The following MICAL3 variants were observed in gnomAD, a reference collection of about 807,000 sequenced individuals.
MICAL3 encodes [F-actin]-monooxygenase MICAL3.
MICAL3 carries 62 observed loss-of-function variants against 207.4 expected under a neutral mutation model. The observed-to-expected ratio is 0.30, with a 90% confidence interval of 0.24 to 0.37. The LOEUF is 0.37. Among genes scored for constraint, MICAL3 ranks in the 10% least tolerant of loss-of-function variants. MICAL3 has a pLI of 1.00. For synonymous variants in MICAL3, 1,077 were observed against 1,069.3 expected, an observed-to-expected ratio of 1.01 and a Z score of -0.14; for missense variants, 2,368 against 2,635.6, an observed-to-expected ratio of 0.90 and a Z score of 2.22.
Position 17,891,804 on chromosome 22 carries a change from G to C in MICAL3, c.1547-172C>G, listed in dbSNP as rs367811138. On this transcript the variant is annotated intron_variant, in intron 11 of 31. Coordinates refer to ENST00000441493, the MANE Select transcript of MICAL3 (RefSeq NM_015241.3). ...AGTGAGGAACAAGGTTATGCAAATG[G>C]TATCATGACAGCGAATTCTAAGAAA... Among the ~76,000 whole-genome samples, 20 of 152,296 alleles carry C rather than the reference G, an allele frequency of 1.3e-4. No homozygotes were observed. The East Asian group carries it at 1.9e-3, about 15-fold the overall frequency.
At chr22:17,854,418 A>G (rs1050273657) in intron 19 of MICAL3, among the ~76,000 whole-genome samples, 2 of 152,166 alleles carry the variant, frequency 1.3e-5, no homozygotes, top group South Asian at 4.1e-4. Context: ...CCAACTCTCC[A>G]CAAGGTCTGA....
At chr22:17,922,320 G>A (rs796111357) in intron 1 of MICAL3, among the ~76,000 whole-genome samples, 20 of 152,268 alleles carry the variant, frequency 1.3e-4, no homozygotes, top group African/African-American at 4.3e-4. Flanking sequence ...CAGAAGTCTC[G>A]CCTGGGCCAT....
Position 17,922,249 on chromosome 22 carries a change from C to T in MICAL3, c.-74-15363G>A, listed in dbSNP as rs148092614. ...GGGTCTGGCTAGGTAGAGGAATTCA[C>T]GTTCATGTTTGCACGTAGTACAGAT... is the stretch of plus-strand genomic sequence containing the variant. On this transcript the variant is annotated intron_variant, in intron 1 of 31. Transcript: ENST00000441493. 7.9e-5 allele frequency among the ~76,000 whole-genome samples: 12 copies of T among 152,232 alleles called. No homozygotes were observed. The East Asian group carries it at 1.9e-3, about 24-fold the overall frequency.
intron 29 of MICAL3, among the ~76,000 whole-genome samples, chr22:17,799,925 G>A (rs1012900633): frequency 7.2e-5 from 10 of 138,502 alleles, no homozygotes; most frequent in Admixed American, 2.1e-4. Context: ...ACACACACAC[G>A]CGCGCTGGGA....
chr22:17,906,467 T>G, intron 2 of MICAL3, 82 bp downstream of exon 2: 1 of 1,608,848 alleles, frequency 6.2e-7, no homozygotes, highest in Non-Finnish European at 8.5e-7. Flanking sequence ...TCATATATGG[T>G]GAATGGCCAG....
chr22:17,797,290 CA>C (rs1358584094), intron 29 of MICAL3, among the ~76,000 whole-genome samples: 1 of 152,108 alleles, frequency 6.6e-6, no homozygotes, highest in Non-Finnish European at 1.5e-5. Flanking sequence ...CTGCTGAACC[CA>C]GGAGTTCGAG....
chr22:17,841,719 G>C lies in MICAL3; in HGVS notation c.2801+103C>G. On this transcript the variant is annotated intron_variant, in intron 20 of 31. Coordinates refer to ENST00000441493, the MANE Select transcript of MICAL3 (RefSeq NM_015241.3). This position sits in a 1 kb window ranked among gnomAD's most constrained non-coding sequence, Gnocchi z 4.2. Reference sequence around the variant, plus strand: ...AGAATGGACTGCGGGCAGCAGGAAAGACAGGAGGCCTCCCTTCACTGAGAA... The same window carrying C: ...AGAATGGACTGCGGGCAGCAGGAAACACAGGAGGCCTCCCTTCACTGAGAA... 1.6e-6 allele frequency: 2 copies of C among 1,228,030 alleles called. No individual in the cohort carries two copies. Among genetic ancestry groups the C allele is most frequent in the African/African-American group, 1.5e-5 (1 of 66,948 alleles). 76.1% of individuals were successfully genotyped at this position (1,228,030 alleles called of 1,614,324 possible).
At chr22:17,907,176 T>A (rs565504685) in intron 1 of MICAL3, among the ~76,000 whole-genome samples, 1 of 151,656 alleles carries the variant, frequency 6.6e-6, no homozygotes, top group East Asian at 2.0e-4. Context: ...CAAGGCCATC[T>A]CGGAAACAGA....
intron 1 of MICAL3, among the ~76,000 whole-genome samples, chr22:17,929,823 C>T (rs1933152966): frequency 6.6e-6 from 1 of 152,196 alleles, no homozygotes; most frequent in South Asian, 2.1e-4. Flanking sequence ...CCGCCTTGGC[C>T]TCCCAAAGTG....
chr22:17,789,918 G>T lies in MICAL3; in HGVS notation c.*814C>A, dbSNP rs2061811730. 1 of 152,224 alleles carries T rather than the reference G, an allele frequency of 6.6e-6. No homozygotes were observed. Among genetic ancestry groups the T allele is most frequent in the African/African-American group, 2.4e-5 (1 of 41,444 alleles). The allele number at this position is 152,224 out of a possible 1,614,324, so 9.4% of individuals were successfully genotyped here. Reference sequence around the variant, plus strand: ...AACACAGGAAAAACACGGAGGAAAAGGTCATCTCCTGTCCCGACATAAATG... The same window carrying T: ...AACACAGGAAAAACACGGAGGAAAATGTCATCTCCTGTCCCGACATAAATG... On this transcript the variant is annotated 3_prime_UTR_variant, in exon 32 of 32. Coordinates refer to ENST00000441493, the MANE Select transcript of MICAL3 (RefSeq NM_015241.3).
rs756513742 is a variant in MICAL3 at position 17,819,026 on chromosome 22, G to A, written c.3635C>T (p.Ala1212Val). ...LLPKEKPKAD[A>V]PSDLKAVHSP... ...GTGCACAGCTTTCAGATCCGAGGGGGCATCAGCTTTGGGCTTCTCTTTGGG... is the reference window on the plus strand; with the variant it reads ...GTGCACAGCTTTCAGATCCGAGGGGACATCAGCTTTGGGCTTCTCTTTGGG... Residue 1212 changes from alanine to valine, a missense_variant, in exon 26 of 32, where the codon GCC becomes GTC. By Grantham distance (64) the Ala-to-Val change is moderately conservative. This residue lies in a region of MICAL3 where 1,770 missense variants were observed against 1,863.2 expected (regional missense o/e 0.95). Coordinates refer to ENST00000441493, the MANE Select transcript of MICAL3 (RefSeq NM_015241.3). 1.8e-5 allele frequency: 29 copies of A among 1,605,844 alleles called. 1 individual carries two copies. The Admixed American group carries it at 2.4e-4, about 13-fold the overall frequency.
At chr22:17,976,323 C>G (rs868263201) in intron 1 of MICAL3, among the ~76,000 whole-genome samples, 1 of 151,814 alleles carries the variant, frequency 6.6e-6, no homozygotes, top group South Asian at 2.1e-4. Flanking sequence ...TTAGATAACA[C>G]GAGGGAGTTA....
rs538457557 is a variant in MICAL3, at chr22:17,817,355, G to A, written c.5306C>T (p.Thr1769Met). The change falls in exon 26 of 32, where the codon ACG (threonine) becomes ATG (methionine). Residue 1769 changes from threonine to methionine, a missense_variant. By Grantham distance (81) the Thr-to-Met change is moderately conservative. This residue lies in a region of MICAL3 where 1,770 missense variants were observed against 1,863.2 expected (regional missense o/e 0.95). Transcript: ENST00000441493. The part of the protein sequence containing the change: ...SCPSTPSSGA[T>M]VDSGKHRVLP... ...CACCCTGTGCTTTCCAGAGTCCACCGTGGCCCCGCTGGAGGGGGTGCTGGG... is the reference window on the plus strand; with the variant it reads ...CACCCTGTGCTTTCCAGAGTCCACCATGGCCCCGCTGGAGGGGGTGCTGGG... 35 of 1,610,246 alleles carry A rather than the reference G, an allele frequency of 2.2e-5. No individual in the cohort carries two copies. The highest frequency in any genetic ancestry group is 4.5e-5 in the East Asian group (2 of 44,782).
intron 29 of MICAL3, among the ~76,000 whole-genome samples, chr22:17,806,822 A>G (rs1009063316): frequency 6.6e-5 from 10 of 152,226 alleles, no homozygotes; most frequent in South Asian, 2.1e-4. Flanking sequence ...AGGAAATGTG[A>G]TTATCTAATG....
At chr22:17,901,115 G>A in intron 5 of MICAL3, 118 bp from the exon 6 acceptor site, 2 of 914,696 alleles carry the variant, frequency 2.2e-6, no homozygotes, top group South Asian at 3.0e-5. Context: ...GAACTGATGG[G>A]AAAGTTAGGG....
At position 17,945,680 on chromosome 22, in the gene MICAL3, G is replaced by A. The variant is rs565310872; in HGVS notation, c.-74-38794C>T. Among the ~76,000 whole-genome samples, 112 of 152,088 alleles carry A rather than the reference G, an allele frequency of 7.4e-4. 1 individual carries two copies. The highest frequency in any genetic ancestry group is 2.6e-3 in the African/African-American group (109 of 41,492). ...GCCCCTCTCCACACAGCCCCCATAC[G>A]CCCCAATTCCACCAGGCACCTCCCT... is the stretch of plus-strand genomic sequence containing the variant. On this transcript the variant is annotated intron_variant, in intron 1 of 31. Coordinates refer to ENST00000441493, the MANE Select transcript of MICAL3 (RefSeq NM_015241.3).
intron 1 of MICAL3, among the ~76,000 whole-genome samples, chr22:18,003,025 T>C (rs755993633): frequency 1.3e-5 from 2 of 151,852 alleles, no homozygotes; most frequent in Non-Finnish European, 1.5e-5. Context: ...CTGGGCGTGG[T>C]GGTGGGCGCC....
rs1931381459 is a variant in MICAL3, at chr22:17,902,173, C to T, written c.590-194G>A. On this transcript the variant is annotated intron_variant, in intron 4 of 31. Transcript: ENST00000441493. The surrounding 1 kb of genome is among the most constrained non-coding windows in gnomAD (Gnocchi z 4.5). Reference sequence around the variant, plus strand: ...CAGCACTATGCGAGGCAGAGGCTGGCAGACTACTTGAGGCCAGGAGTTCGA... The same window carrying T: ...CAGCACTATGCGAGGCAGAGGCTGGTAGACTACTTGAGGCCAGGAGTTCGA... Among the ~76,000 whole-genome samples, 1 of 152,192 alleles carries T rather than the reference C, an allele frequency of 6.6e-6. No individual in the cohort carries two copies. The highest frequency in any genetic ancestry group is 2.4e-5 in the African/African-American group (1 of 41,452).
At chr22:17,924,776 CA>C (rs1277812986) in intron 1 of MICAL3, among the ~76,000 whole-genome samples, 1 of 152,206 alleles carries the variant, frequency 6.6e-6, no homozygotes, top group East Asian at 1.9e-4. Flanking sequence ...CAGAGCATCT[CA>C]AGCCACAGTG....
Sources: allele counts gnomAD v4.1 joint callset (sites outside exome capture counted in the v4.1 genomes callset), GRCh38; gene constraint gnomAD v4.1.1; regional missense constraint gnomAD v4.1.1; non-coding constraint Gnocchi (gnomAD v3.1); transcripts MANE v1.5; gene names NCBI Gene and HGNC (gene_info 2026-07-23, HGNC 2026-07-21).